The following IL13RA1 variants were observed in gnomAD, a reference collection of about 807,000 sequenced individuals.
The protein encoded by IL13RA1 is interleukin-13 receptor subunit alpha-1.
A neutral mutation model predicts 33.8 loss-of-function variants in IL13RA1; 14 were observed. The observed-to-expected ratio is 0.41, with a 90% CI of 0.27 to 0.65. The LOEUF is 0.65. Among genes scored for constraint, IL13RA1 ranks in the 30% least tolerant of loss-of-function variants. The probability of loss-of-function intolerance (pLI) is 0.28; values close to 1 mark genes in which losing one functional copy is unlikely to be tolerated. For synonymous variants in IL13RA1, 116 were observed against 115.7 expected, an observed-to-expected ratio of 1.00 and a Z score of -0.02; for missense variants, 313 against 327.0, an observed-to-expected ratio of 0.96 and a Z score of 0.33.
At chrX:118,787,413 G>T (rs1190400471) in intron 10 of IL13RA1, among the ~76,000 whole-genome samples, 1 of 111,277 alleles carries the variant, frequency 9.0e-6, no homozygotes, top group South Asian at 3.8e-4. Flanking sequence ...CAAGGCAAAT[G>T]GGCAGGGCAA....
At chrX:118,751,760 G>A (rs915948881) in intron 4 of IL13RA1, among the ~76,000 whole-genome samples, 2 of 110,702 alleles carry the variant, frequency 1.8e-5, no homozygotes, top group African/African-American at 3.3e-5. Flanking sequence ...AGAATGGGAT[G>A]TGGAGAGCCA....
chrX:118,749,389 C>T (rs2017446103), intron 3 of IL13RA1, among the ~76,000 whole-genome samples: 1 of 111,799 alleles, frequency 8.9e-6, no homozygotes, highest in South Asian at 3.7e-4. Flanking sequence ...TTTTATCTCT[C>T]CCTCCAGTTA....
chrX:118,740,347 G>A (rs57830111), intron 1 of IL13RA1, among the ~76,000 whole-genome samples: 1 of 112,005 alleles, frequency 8.9e-6, no homozygotes, highest in African/African-American at 3.2e-5. Flanking sequence ...TAGTATTTAA[G>A]AATATCACTC....
At chrX:118,744,743 G>T (rs890626610) in intron 2 of IL13RA1, among the ~76,000 whole-genome samples, 1 of 111,698 alleles carries the variant, frequency 9.0e-6, no homozygotes, top group Non-Finnish European at 1.9e-5. Flanking sequence ...AAATTCCATT[G>T]TGATAATTTT....
intron 6 of IL13RA1, among the ~76,000 whole-genome samples, chrX:118,766,035 A>G (rs1302127611): frequency 8.9e-6 from 1 of 112,017 alleles, no homozygotes; most frequent in East Asian, 2.8e-4. Context: ...AGAAATTGCA[A>G]ATATGTTCTC....
chrX:118,797,647 G>A (rs2018038914), downstream of IL13RA1, among the ~76,000 whole-genome samples: 1 of 112,191 alleles, frequency 8.9e-6, no homozygotes, highest in Non-Finnish European at 1.9e-5. Flanking sequence ...TGTGGTTCAG[G>A]CCTTAAGATA....
At chrX:118,761,021 A>G (rs752433560) in intron 5 of IL13RA1, 117 bp from the exon 6 acceptor site, 319 of 404,367 alleles carry the variant, frequency 7.9e-4, no homozygotes, top group Non-Finnish European at 1.2e-3. Flanking sequence ...AAATATTTTC[A>G]GTTCATGGTT....
chrX:118,761,724 TGTA>T (rs1407375022), intron 6 of IL13RA1, among the ~76,000 whole-genome samples: 1 of 111,626 alleles, frequency 9.0e-6, no homozygotes, highest in African/African-American at 3.3e-5. Flanking sequence ...AATGGGCTGA[TGTA>T]GTAGAGTGAC....
chrX:118,801,137 CAT>C, the IL13RA1 span, among the ~76,000 whole-genome samples: 5 of 112,615 alleles, frequency 4.4e-5, no homozygotes, highest in South Asian at 3.6e-4. Context: ...AATCTTCACA[CAT>C]GATTAAAATT....
the IL13RA1 span, among the ~76,000 whole-genome samples, chrX:118,803,357 C>G: frequency 8.9e-6 from 1 of 112,252 alleles, no homozygotes; most frequent in East Asian, 2.8e-4. Flanking sequence ...AATGGTCAAT[C>G]TTATTTCATT....
intron 9 of IL13RA1, 50 bp downstream of exon 9, chrX:118,774,025 T>C (rs753895326): frequency 3.3e-6 from 2 of 601,523 alleles, no homozygotes; most frequent in Non-Finnish European, 5.8e-6. Flanking sequence ...GCCTGTTTGC[T>C]GTGGTTATTA....
intron 4 of IL13RA1, among the ~76,000 whole-genome samples, chrX:118,756,490 A>G (rs1444173955): frequency 4.5e-5 from 5 of 111,590 alleles, no homozygotes; most frequent in African/African-American, 1.6e-4. Flanking sequence ...TTAGAAAGCC[A>G]TTGTGTTTTA....
chrX:118,732,634 ATGAG>A (rs1451564026), intron 1 of IL13RA1, among the ~76,000 whole-genome samples: 3 of 106,635 alleles, frequency 2.8e-5, no homozygotes, highest in Non-Finnish European at 5.8e-5. Flanking sequence ...ATTCCCACCT[ATGAG>A]TGAGAACATG....
downstream of IL13RA1, among the ~76,000 whole-genome samples, chrX:118,795,225 A>G (rs28572770): frequency 7.3e-4 from 77 of 105,401 alleles, 2 homozygotes; most frequent in Middle Eastern, 0.015. Flanking sequence ...AAAAAAAAAA[A>G]AAAAAGAAAA....
At chrX:118,780,219 T>G (rs147444093) in intron 10 of IL13RA1, among the ~76,000 whole-genome samples, 3,657 of 112,857 alleles carry the variant, frequency 0.032, 71 homozygotes, top group Non-Finnish European at 0.049. Context: ...CAAATTGAAC[T>G]GCATATGCTG....
the IL13RA1 span, among the ~76,000 whole-genome samples, chrX:118,799,980 G>A: frequency 9.8e-6 from 1 of 101,641 alleles, no homozygotes; most frequent in Non-Finnish European, 2.0e-5. Context: ...CTAGCTGAAG[G>A]TTTGTAAACA....
the IL13RA1 span, among the ~76,000 whole-genome samples, chrX:118,804,948 C>A: frequency 6.9e-4 from 77 of 111,967 alleles, 1 homozygote; most frequent in African/African-American, 2.2e-3. Context: ...AACCATCAGG[C>A]CTCCCAGAAA....
chrX:118,777,221 A>G (rs1957060956), intron 10 of IL13RA1, among the ~76,000 whole-genome samples: 2 of 109,924 alleles, frequency 1.8e-5, no homozygotes, highest in Admixed American at 2.0e-4. Context: ...GATACCTCCT[A>G]TATGTGAAAT....
intron 3 of IL13RA1, among the ~76,000 whole-genome samples, chrX:118,747,948 A>G (rs1306028346): frequency 9.4e-6 from 1 of 106,285 alleles, no homozygotes; most frequent in Non-Finnish European, 1.9e-5. Context: ...TATTGGGATG[A>G]TTACGTAAGT....
Sources: gnomAD v4.1 joint callset for allele counts (sites outside exome capture counted in the v4.1 genomes callset) on GRCh38, gnomAD v4.1.1 for gene constraint, MANE v1.5 for transcripts, NCBI Gene and HGNC (gene_info 2026-07-23, HGNC 2026-07-21) for gene names.